Variants in GCA observed in about 807,000 individuals in gnomAD.
GCA encodes grancalcin, EF-hand calcium-binding protein.
GCA carries 30 observed loss-of-function variants against 32.6 expected under a neutral mutation model. That is an observed-to-expected ratio of 0.92 (90% CI 0.69 to 1.25). GCA has a LOEUF of 1.25. GCA is among the 50% of genes most tolerant of loss of function. GCA has a pLI of 0.00. For missense variants in GCA, 291 were observed against 266.8 expected (o/e 1.09, Z -0.63); for synonymous variants, 102 against 84.6 (o/e 1.21, Z -1.13).
At chr2:162,346,563 T>C (rs988600189) in intron 1 of GCA, 1 of 152,238 alleles carries the variant, frequency 6.6e-6, no homozygotes, top group African/African-American at 2.4e-5. Context: ...GACTGGCAGC[T>C]TCTCTTTCTC....
chr2:162,358,474 A>C (rs913667740), intron 5 of GCA, among the ~76,000 whole-genome samples: 46 of 151,518 alleles, frequency 3.0e-4, no homozygotes, highest in Non-Finnish European at 1.9e-4. Flanking sequence ...GAACCAAGGA[A>C]ATCAGTGAAA....
downstream of GCA, among the ~76,000 whole-genome samples, chr2:162,364,478 G>A (rs7588782): frequency 0.021 from 3,112 of 151,494 alleles, 214 homozygotes; most frequent in Admixed American, 0.15. Context: ...TTCATATTTA[G>A]ATTCTCATTT....
downstream of GCA, chr2:162,372,000 C>G: frequency 1.2e-6 from 2 of 1,613,762 alleles, no homozygotes; most frequent in Non-Finnish European, 8.5e-7. Context: ...AAAGTGAAGT[C>G]AAGTTGTCTT....
intron 1 of GCA, among the ~76,000 whole-genome samples, chr2:162,319,937 A>G (rs1033998370): frequency 6.6e-6 from 1 of 152,236 alleles, no homozygotes; most frequent in African/African-American, 2.4e-5. Context: ...GGCATACAAA[A>G]TATCCAAATG....
chr2:162,347,096 T>A (rs528624521), intron 1 of GCA, among the ~76,000 whole-genome samples: 1 of 152,296 alleles, frequency 6.6e-6, no homozygotes, highest in East Asian at 1.9e-4. Context: ...TATTGACATA[T>A]AAAGTTTTTA....
In GCA at chr2:162,347,614, A is replaced by T; in HGVS notation, c.64A>T (p.Met22Leu). The change falls in exon 2 of 8, where the codon ATG (methionine) becomes TTG (leucine). Residue 22 changes from methionine (M) to leucine (L), a missense_variant. Met to Leu is a conservative substitution (Grantham distance 15, BLOSUM62 2). Transcript: ENST00000437150. ...TAGCATTCAGGTGCCAGGAATGCAG[A>T]TGGGACAGCCAGTGCCAGAAACAGG... ...NFSIQVPGMQ[M>L]GQPVPETGPA... The T allele has an allele frequency of 6.2e-7, 1 of 1,609,414 alleles. No homozygotes were observed. Among genetic ancestry groups the T allele is most frequent in the Non-Finnish European group, 8.5e-7 (1 of 1,177,002 alleles).
upstream of GCA, chr2:162,344,116 A>G: frequency 1.1e-6 from 1 of 890,764 alleles, no homozygotes; most frequent in Non-Finnish European, 1.8e-6. Flanking sequence ...GGTTCGGAGG[A>G]GTGAACTGTG....
At chr2:162,329,479 A>G (rs867205062) in intron 1 of GCA, among the ~76,000 whole-genome samples, 10 of 152,122 alleles carry the variant, frequency 6.6e-5, no homozygotes, top group Middle Eastern at 3.4e-3. Flanking sequence ...GCACTGAGTT[A>G]TATAAATTAC....
downstream of GCA, among the ~76,000 whole-genome samples, chr2:162,366,642 A>T (rs1397116672): frequency 6.6e-6 from 1 of 151,958 alleles, no homozygotes; most frequent in Non-Finnish European, 1.5e-5. Context: ...TTTAGTTTGT[A>T]AAGTGGTTTA....
intron 1 of GCA, among the ~76,000 whole-genome samples, chr2:162,320,824 T>C (rs1382767796): frequency 6.6e-6 from 1 of 152,196 alleles, no homozygotes; most frequent in Admixed American, 6.5e-5. Flanking sequence ...TGGTAAGTAA[T>C]GACTAAAAAA....
chr2:162,362,306 AG>A lies in GCA; in HGVS notation c.*2065del, dbSNP rs906922848. The A allele has an allele frequency of 7.3e-5, 72 of 984,300 alleles. No homozygotes were observed. The highest frequency in any genetic ancestry group is 8.3e-5 in the Non-Finnish European group (69 of 829,268). The allele number at this position is 984,300 out of a possible 1,614,324, so 61.0% of individuals were successfully genotyped here. The stretch of plus-strand genomic sequence containing the variant: ...TCTATGCCGATCCAACTTAATTGCC[AG>A]GCAACTCTTCTGCACTTTACATTAA... On this transcript the variant is annotated 3_prime_UTR_variant, in exon 8 of 8. Coordinates refer to ENST00000437150, the MANE Select transcript of GCA (RefSeq NM_012198.5).
chr2:162,367,665 A>C (rs1230823345), downstream of GCA, among the ~76,000 whole-genome samples: 1 of 152,036 alleles, frequency 6.6e-6, no homozygotes, highest in Admixed American at 6.6e-5. Context: ...TTCTGAATCA[A>C]AAACTTTCAT....
intron 5 of GCA, among the ~76,000 whole-genome samples, chr2:162,358,835 A>G (rs1685414243): frequency 6.6e-6 from 1 of 151,468 alleles, no homozygotes; most frequent in Admixed American, 6.6e-5. Flanking sequence ...TGACTTTATT[A>G]CAAAGTTAGA....
intron 1 of GCA, among the ~76,000 whole-genome samples, chr2:162,335,919 G>T (rs894876973): frequency 6.6e-6 from 1 of 152,098 alleles, no homozygotes; most frequent in Non-Finnish European, 1.5e-5. Context: ...ATGTGTGTGT[G>T]AATTAATGAA....
chr2:162,355,767 C>T (rs764794598), intron 3 of GCA, among the ~76,000 whole-genome samples: 4 of 151,556 alleles, frequency 2.6e-5, no homozygotes, highest in Non-Finnish European at 4.4e-5. Flanking sequence ...CCGAGAAAAA[C>T]CAGTTGCTTC....
chr2:162,328,754 T>G (rs1452497925), intron 1 of GCA, among the ~76,000 whole-genome samples: 1 of 152,200 alleles, frequency 6.6e-6, no homozygotes, highest in Non-Finnish European at 1.5e-5. Flanking sequence ...GACAGAGGGC[T>G]TTCTGTATCT....
intron 1 of GCA, among the ~76,000 whole-genome samples, chr2:162,337,339 A>G (rs573088576): frequency 6.6e-6 from 1 of 152,300 alleles, no homozygotes; most frequent in African/African-American, 2.4e-5. Context: ...CCATGTTTTG[A>G]TAACTGCTTT....
At position 162,360,544 on chromosome 2, in the gene GCA, A is replaced by G. The variant is rs1206824659; in HGVS notation, c.*301A>G. 10 of 1,056,508 alleles carry G rather than the reference A, an allele frequency of 9.5e-6. No homozygotes were observed. The highest frequency in any genetic ancestry group is 3.3e-5 in the African/African-American group (2 of 60,466). 65.4% of individuals were successfully genotyped at this position (1,056,508 alleles called of 1,614,324 possible). A position where few individuals can be genotyped will look rare whatever the true frequency, so the allele number is the denominator to read the frequency against. On this transcript the variant is annotated 3_prime_UTR_variant, in exon 8 of 8. Coordinates refer to ENST00000437150, the MANE Select transcript of GCA (RefSeq NM_012198.5). ...TTAATTTTAGATAATGTAAATTTAG[A>G]GGAATGTACTTTACAAGATAGATTG... is the stretch of plus-strand genomic sequence containing the variant.
chr2:162,363,454 T>C (rs954545659), downstream of GCA, among the ~76,000 whole-genome samples: 2 of 151,374 alleles, frequency 1.3e-5, no homozygotes, highest in African/African-American at 2.4e-5. Context: ...TTATACATAA[T>C]ACTAGATGAT....
Sources: gnomAD v4.1 joint callset for allele counts (sites outside exome capture counted in the v4.1 genomes callset) on GRCh38, gnomAD v4.1.1 for gene constraint, MANE v1.5 for transcripts, NCBI Gene and HGNC (gene_info 2026-07-23, HGNC 2026-07-21) for gene names.